DLGAP3: variants seen among roughly 807,000 people sequenced by gnomAD.
The protein encoded by DLGAP3 is disks large-associated protein 3.
In DLGAP3, 17 loss-of-function variants were observed where a neutral mutation model predicts 81.2. That is an observed-to-expected ratio of 0.21 (90% CI 0.14 to 0.31). The LOEUF is 0.31. DLGAP3 is among the 10% of genes least tolerant of loss of function. The probability of loss-of-function intolerance (pLI) is 1.00; values close to 1 mark genes in which losing one functional copy is unlikely to be tolerated. For missense variants in DLGAP3, 1,124 were observed against 1,388.0 expected, an observed-to-expected ratio of 0.81 and a Z score of 3.02; for synonymous variants, 577 against 587.4, an observed-to-expected ratio of 0.98 and a Z score of 0.26.
chr1:34,927,423 A>G (rs1282172581), intron 1 of DLGAP3, among the ~76,000 whole-genome samples: 1 of 152,094 alleles, frequency 6.6e-6, no homozygotes. Context: ...GACCAAGTCA[A>G]TACTAAGGTT....
chr1:34,909,845 T>C (rs1232320374), intron 1 of DLGAP3, among the ~76,000 whole-genome samples: 1 of 152,156 alleles, frequency 6.6e-6, no homozygotes, highest in Non-Finnish European at 1.5e-5. Context: ...AAAAAACAGA[T>C]GTGCCTTTTA....
rs116458111 is a variant in DLGAP3 at position 34,908,921 on chromosome 1, T to C, written c.-134-1484A>G. 4.8e-3 allele frequency among the ~76,000 whole-genome samples: 724 copies of C among 152,330 alleles called. 4 individuals are homozygous for C. The highest frequency in any genetic ancestry group is 0.016 in the African/African-American group (678 of 41,572). On this transcript the variant is annotated intron_variant, in intron 1 of 11. Transcript: ENST00000373347. ...AAACAGAGGGAATATCAGATCAAGA[T>C]AGCCTCTCAAATAGTTGTTGAAAAA...
chr1:34,867,271 A>AC lies in DLGAP3; in HGVS notation c.2578-81dup. The AC allele has an allele frequency of 6.3e-7, 1 of 1,588,204 alleles. No individual in the cohort carries two copies. Among genetic ancestry groups the AC allele is most frequent in the East Asian group, 2.2e-5 (1 of 44,694 alleles). On this transcript the variant is annotated intron_variant, in intron 10 of 11. Coordinates refer to ENST00000373347, the MANE Select transcript of DLGAP3 (RefSeq NM_001080418.3). The surrounding 1 kb of genome is among the most constrained non-coding windows in gnomAD (Gnocchi z 4.3). The stretch of plus-strand genomic sequence containing the variant: ...GCCAGGACAAGAGAAAGTCCTATCC[A>AC]CCCTTACTGCCAGGAAGCTCAGCCT...
Position 34,868,859 on chromosome 1 carries a change from G to T in DLGAP3, c.2231C>A (p.Pro744Gln). The T allele has an allele frequency of 6.3e-7, 1 of 1,590,530 alleles. No individual in the cohort carries two copies. The highest frequency in any genetic ancestry group is 2.3e-5 in the East Asian group (1 of 44,440). The change falls in exon 9 of 12, where the codon CCA becomes CAA. Residue 744 changes from proline (P) to glutamine (Q), a missense_variant. Pro to Gln is a moderately conservative substitution (Grantham distance 76, BLOSUM62 -1). This residue lies in a region of DLGAP3 where 379 missense variants were observed against 455.7 expected (regional missense o/e 0.83). Coordinates refer to ENST00000373347, the MANE Select transcript of DLGAP3 (RefSeq NM_001080418.3). This position sits in a 1 kb window ranked among gnomAD's most constrained non-coding sequence, Gnocchi z 7.5. The stretch of plus-strand genomic sequence containing the variant: ...GGTGGCCGGCGGCTCGTACGGCAGT[G>T]GGTAGCCCTCGCGGTAGGCCCACTG... Reference protein sequence around the residue: ...QGQWAYREGYPLPYEPPATDG... With the variant: ...QGQWAYREGYQLPYEPPATDG...
In DLGAP3 at chr1:34,868,970, C is replaced by T. The variant is rs758490483; in HGVS notation, c.2120G>A (p.Arg707His). ...ATEDKALQFG[R>H]SFQRHASEPQ... ...CTCAGAGGCGTGCCTCTGGAAGGAG[C>T]GTCCAAACTGCAGGGCCTTGTCTTC... Residue 707 changes from arginine (R) to histidine (H), a missense_variant, in exon 9 of 12, where the codon CGC (arginine) becomes CAC (histidine). Coordinates refer to ENST00000373347, the MANE Select transcript of DLGAP3 (RefSeq NM_001080418.3). The surrounding 1 kb of genome is among the most constrained non-coding windows in gnomAD (Gnocchi z 7.5). 5 of 1,609,396 alleles carry T rather than the reference C, an allele frequency of 3.1e-6. No homozygotes were observed. The highest frequency in any genetic ancestry group is 4.2e-6 in the Non-Finnish European group (5 of 1,179,784).
At chr1:34,907,893 T>A (rs1277634426) in intron 1 of DLGAP3, among the ~76,000 whole-genome samples, 1 of 152,274 alleles carries the variant, frequency 6.6e-6, no homozygotes, top group African/African-American at 2.4e-5. Flanking sequence ...CCACTTTATT[T>A]TTGCACTAAC....
chr1:34,913,792 C>T (rs572423487), intron 1 of DLGAP3, among the ~76,000 whole-genome samples: 10 of 152,294 alleles, frequency 6.6e-5, no homozygotes, highest in Admixed American at 6.5e-4. Context: ...CAGAAAGGAC[C>T]TCCACTCCTT....
At chr1:34,921,522 CCTCCTTAACACT>C in intron 1 of DLGAP3, among the ~76,000 whole-genome samples, 1 of 152,296 alleles carries the variant, frequency 6.6e-6, no homozygotes, top group South Asian at 2.1e-4. Flanking sequence ...GTGTGTCTAC[CCTCCTTAACACT>C]CTCCTTATTT....
intron 2 of DLGAP3, 134 bp downstream of exon 2, chr1:34,907,221 G>C (rs1639568635): frequency 6.6e-6 from 1 of 152,570 alleles, no homozygotes; most frequent in Non-Finnish European, 1.5e-5. Context: ...TTACCCATGA[G>C]AAAATTGAGC....
At position 34,865,950 on chromosome 1, in the gene DLGAP3, C is replaced by T; in HGVS notation, c.*133G>A. Reference sequence around the variant, plus strand: ...AAAAAACCCACGAGAGTGTGACGGGCCCGGGGGCCGGGGCGTCCGGTGCCG... The same window carrying T: ...AAAAAACCCACGAGAGTGTGACGGGTCCGGGGGCCGGGGCGTCCGGTGCCG... On this transcript the variant is annotated 3_prime_UTR_variant, in exon 12 of 12. Coordinates refer to ENST00000373347, the MANE Select transcript of DLGAP3 (RefSeq NM_001080418.3). The T allele has an allele frequency of 1.3e-6, 1 of 799,920 alleles. No homozygotes were observed. 49.6% of individuals were successfully genotyped at this position (799,920 alleles called of 1,614,324 possible).
At chr1:34,878,222 A>G (rs1239906667) in intron 8 of DLGAP3, among the ~76,000 whole-genome samples, 2 of 152,168 alleles carry the variant, frequency 1.3e-5, no homozygotes, top group African/African-American at 4.8e-5. Context: ...CAGAAGAATT[A>G]CTAGAACCCA....
Position 34,904,528 on chromosome 1 carries a change from G to GACC in DLGAP3, c.853_855dup (p.Gly285dup). The GACC allele has an allele frequency of 6.2e-7, 1 of 1,614,190 alleles. No individual in the cohort carries two copies. Among genetic ancestry groups the GACC allele is most frequent in the East Asian group, 2.2e-5 (1 of 44,888 alleles). ...CCATCTGGACCCTCCAGGCAGAAGGGACCACCAGGCTCCCCAGGGGGCCTC... is the reference window on the plus strand; with the variant it reads ...CCATCTGGACCCTCCAGGCAGAAGGGACCACCACCAGGCTCCCCAGGGGGCCTC... On this transcript the variant is annotated inframe_insertion, in exon 3 of 12. Transcript: ENST00000373347. The surrounding 1 kb of genome is among the most constrained non-coding windows in gnomAD (Gnocchi z 8.1).
intron 2 of DLGAP3, among the ~76,000 whole-genome samples, chr1:34,906,306 C>T (rs973934451): frequency 3.9e-5 from 6 of 151,910 alleles, no homozygotes; most frequent in African/African-American, 1.5e-4. Context: ...AATAGATCCA[C>T]AGCCACATCT....
chr1:34,889,990 G>A (rs113444896), intron 5 of DLGAP3, among the ~76,000 whole-genome samples: 121 of 152,312 alleles, frequency 7.9e-4, no homozygotes, highest in African/African-American at 2.8e-3. Context: ...TTGGAAAGGA[G>A]AACCTGCATA....
intron 5 of DLGAP3, among the ~76,000 whole-genome samples, chr1:34,897,287 AAG>A (rs1412336280): frequency 6.6e-6 from 1 of 152,218 alleles, no homozygotes; most frequent in Non-Finnish European, 1.5e-5. Flanking sequence ...AAGAAGGAGA[AAG>A]AGCAGGAGGA....
intron 1 of DLGAP3, among the ~76,000 whole-genome samples, chr1:34,913,775 C>T (rs908305148): frequency 5.3e-5 from 8 of 152,166 alleles, no homozygotes; most frequent in African/African-American, 1.4e-4. Context: ...CTATGTACAA[C>T]GGCCCACAGA....
rs1638921322 is a variant in DLGAP3 at position 34,868,524 on chromosome 1, C to A, written c.2485+81G>T. 1 of 1,263,338 alleles carries A rather than the reference C, an allele frequency of 7.9e-7. No homozygotes were observed. Among genetic ancestry groups the A allele is most frequent in the South Asian group, 1.2e-5 (1 of 83,282 alleles). The allele number at this position is 1,263,338 out of a possible 1,614,324, so 78.3% of individuals were successfully genotyped here. On this transcript the variant is annotated intron_variant, in intron 9 of 11. Transcript: ENST00000373347. This position sits in a 1 kb window ranked among gnomAD's most constrained non-coding sequence, Gnocchi z 7.5. Reference sequence around the variant, plus strand: ...AGGGGCCTCCTGTTACACTGCAGCCCCAGCCACCCCCATCAGGGTCTCCTG... The same window carrying A: ...AGGGGCCTCCTGTTACACTGCAGCCACAGCCACCCCCATCAGGGTCTCCTG...
intron 1 of DLGAP3, among the ~76,000 whole-genome samples, chr1:34,917,817 C>G (rs1334474248): frequency 1.3e-5 from 2 of 152,226 alleles, no homozygotes; most frequent in Non-Finnish European, 2.9e-5. Context: ...AGAACTTTAT[C>G]CATTGTTCCC....
intron 5 of DLGAP3, among the ~76,000 whole-genome samples, chr1:34,889,608 G>A (rs562914566): frequency 6.6e-6 from 1 of 152,316 alleles, no homozygotes; most frequent in South Asian, 2.1e-4. Context: ...GTGTCTAATT[G>A]GAAATTGTCC....
Sources: allele counts gnomAD v4.1 joint callset (sites outside exome capture counted in the v4.1 genomes callset), GRCh38; gene constraint gnomAD v4.1.1; regional missense constraint gnomAD v4.1.1; non-coding constraint Gnocchi (gnomAD v3.1); transcripts MANE v1.5; gene names NCBI Gene and HGNC (gene_info 2026-07-23, HGNC 2026-07-21).